The following GALNT10 variants were observed in gnomAD, a reference collection of about 807,000 sequenced individuals.
GALNT10 encodes polypeptide N-acetylgalactosaminyltransferase 10.
GALNT10 carries 41 observed loss-of-function variants against 75.0 expected under a neutral mutation model. That is an observed-to-expected ratio of 0.55 (90% CI 0.43 to 0.71). The LOEUF is 0.71. GALNT10 is among the 30% of genes least tolerant of loss of function. The pLI, the probability that GALNT10 is intolerant of heterozygous loss-of-function variation, is 0.00. For missense variants in GALNT10, 727 were observed against 818.5 expected (o/e 0.89, Z 1.36); for synonymous variants, 302 against 313.0 (o/e 0.96, Z 0.37).
At chr5:154,339,441 T>C (rs914369251) in intron 4 of GALNT10, among the ~76,000 whole-genome samples, 1 of 151,182 alleles carries the variant, frequency 6.6e-6, no homozygotes, top group Non-Finnish European at 1.5e-5. Context: ...TGTAAACCTT[T>C]TGGTGGACAT....
intron 1 of GALNT10, among the ~76,000 whole-genome samples, chr5:154,234,955 C>T (rs1366992378): frequency 1.3e-5 from 2 of 152,156 alleles, no homozygotes; most frequent in Non-Finnish European, 2.9e-5. Context: ...ATCTGCTGAG[C>T]CTTGAGAGTC....
At chr5:154,328,788 C>T (rs1754798168) in intron 3 of GALNT10, among the ~76,000 whole-genome samples, 1 of 152,138 alleles carries the variant, frequency 6.6e-6, no homozygotes, top group African/African-American at 2.4e-5. Flanking sequence ...TCACAGAACT[C>T]AGGGGAACAC....
chr5:154,239,033 A>G (rs561906532), intron 1 of GALNT10, among the ~76,000 whole-genome samples: 2 of 152,248 alleles, frequency 1.3e-5, no homozygotes, highest in East Asian at 1.9e-4. Context: ...ATTCTTAGCC[A>G]TATAGCTCCA....
At chr5:154,347,337 C>A in intron 4 of GALNT10, 1 of 421,208 alleles carries the variant, frequency 2.4e-6, no homozygotes, top group Non-Finnish European at 4.5e-6. Flanking sequence ...TTCCTGTTAC[C>A]TCCTATGTGG....
chr5:154,287,929 A>T (rs965088640), intron 1 of GALNT10, among the ~76,000 whole-genome samples: 45 of 141,356 alleles, frequency 3.2e-4, no homozygotes, highest in Middle Eastern at 3.5e-3. Flanking sequence ...AGAGAGAGAG[A>T]GTGTGCATGT....
intron 1 of GALNT10, among the ~76,000 whole-genome samples, chr5:154,222,606 C>T (rs746485759): frequency 6.6e-6 from 1 of 152,154 alleles, no homozygotes; most frequent in Non-Finnish European, 1.5e-5. Context: ...CTGGCTGCTC[C>T]GCATCCTCAC....
chr5:154,207,512 G>C (rs888164389), intron 1 of GALNT10, among the ~76,000 whole-genome samples: 2 of 152,214 alleles, frequency 1.3e-5, no homozygotes, highest in Non-Finnish European at 2.9e-5. Context: ...TCAGAGTACA[G>C]TGAGATCTTT....
intron 3 of GALNT10, among the ~76,000 whole-genome samples, chr5:154,311,994 C>A (rs769572942): frequency 1.3e-5 from 2 of 152,138 alleles, no homozygotes; most frequent in Admixed American, 1.3e-4. Flanking sequence ...CTACATAAAT[C>A]CAGCAAACAC....
chr5:154,368,396 T>C (rs538860770), intron 4 of GALNT10, among the ~76,000 whole-genome samples: 1 of 152,324 alleles, frequency 6.6e-6, no homozygotes, highest in African/African-American at 2.4e-5. Flanking sequence ...TTGAATTGTA[T>C]GCTTTAAATG....
chr5:154,409,591 T>C lies in GALNT10; in HGVS notation c.1215T>C (p.Ile405=). 6.2e-7 allele frequency: 1 copy of C among 1,614,096 alleles called. No homozygotes were observed. Among genetic ancestry groups the C allele is most frequent in the Non-Finnish European group, 8.5e-7 (1 of 1,179,980 alleles). Residue 405 remains isoleucine (I), a synonymous_variant, in exon 9 of 12, where the codon ATT becomes ATC. Transcript: ENST00000297107. This position sits in a 1 kb window ranked among gnomAD's most constrained non-coding sequence, Gnocchi z 4.5. ...GGATGGATGAGTACGCAGAGTACAT[T>C]TACCAGCGCCGGCCTGAATACCGCC... The part of the protein sequence containing the change: ...EVWMDEYAEY[I]YQRRPEYRHL...
At chr5:154,211,925 A>G (rs1775204532) in intron 1 of GALNT10, among the ~76,000 whole-genome samples, 1 of 152,212 alleles carries the variant, frequency 6.6e-6, no homozygotes. Context: ...CCAAAGCTAT[A>G]TATCATGATG....
At chr5:154,191,108 C>A (rs1032363495) in intron 1 of GALNT10, 83 bp downstream of exon 1, 6 of 705,048 alleles carry the variant, frequency 8.5e-6, no homozygotes, top group Non-Finnish European at 1.2e-5. Flanking sequence ...CCACCTTCTG[C>A]TGTCTGCCTC....
intron 1 of GALNT10, among the ~76,000 whole-genome samples, chr5:154,293,613 A>ATATATATATATATATATATATTTTTTTTT: frequency 9.1e-6 from 1 of 109,360 alleles, no homozygotes; most frequent in African/African-American, 4.2e-5. Context: ...ATATATATAT[A>ATATATATATATATATATATATTTTTTTTT]TTTTTTTTTT....
At chr5:154,391,081 C>T (rs1163243925) in intron 7 of GALNT10, among the ~76,000 whole-genome samples, 1 of 152,234 alleles carries the variant, frequency 6.6e-6, no homozygotes, top group East Asian at 1.9e-4. Flanking sequence ...GAGCCAGCAA[C>T]AGCCCATCTG....
At chr5:154,397,769 G>A (rs2113203837) in intron 7 of GALNT10, among the ~76,000 whole-genome samples, 1 of 152,298 alleles carries the variant, frequency 6.6e-6, no homozygotes, top group South Asian at 2.1e-4. Flanking sequence ...CTTATCTCTG[G>A]GCAGGTCGGG....
At chr5:154,303,852 C>T (rs1194576874) in intron 3 of GALNT10, among the ~76,000 whole-genome samples, 1 of 152,150 alleles carries the variant, frequency 6.6e-6, no homozygotes, top group Non-Finnish European at 1.5e-5. Context: ...AAACATGACC[C>T]ACAGTGACAA....
chr5:154,261,786 A>G (rs1753702217), intron 1 of GALNT10, among the ~76,000 whole-genome samples: 1 of 152,366 alleles, frequency 6.6e-6, no homozygotes, highest in East Asian at 1.9e-4. Context: ...GAAAGCTCAC[A>G]GCAAAAATGC....
chr5:154,293,613 A>ATATATATATATATATTTTTTTTT, intron 1 of GALNT10, among the ~76,000 whole-genome samples: 1 of 109,358 alleles, frequency 9.1e-6, no homozygotes, highest in African/African-American at 4.2e-5. Flanking sequence ...ATATATATAT[A>ATATATATATATATATTTTTTTTT]TTTTTTTTTT....
At position 154,191,042 on chromosome 5, in the gene GALNT10, C is replaced by A; in HGVS notation, c.159+17C>A. 7.1e-7 allele frequency: 1 copy of A among 1,400,934 alleles called. No homozygotes were observed. 86.8% of individuals were successfully genotyped at this position (1,400,934 alleles called of 1,614,324 possible). ...GCGGGACAGGTGAGTCCCCCCGTTG[C>A]TACAGGCCGGGAACACCCCCTTCCC... On this transcript the variant is annotated intron_variant, in intron 1 of 11. Transcript: ENST00000297107.
Sources: allele counts gnomAD v4.1 joint callset (sites outside exome capture counted in the v4.1 genomes callset), GRCh38; gene constraint gnomAD v4.1.1; non-coding constraint Gnocchi (gnomAD v3.1); transcripts MANE v1.5; gene names NCBI Gene and HGNC (gene_info 2026-07-23, HGNC 2026-07-21).